RARB: variants seen among roughly 807,000 people sequenced by gnomAD.
The protein encoded by RARB is HBV-activated protein.
A neutral mutation model predicts 51.9 loss-of-function variants in RARB; 17 were observed. That is an observed-to-expected ratio of 0.33 (90% CI 0.22 to 0.49). RARB has a LOEUF of 0.49. RARB is among the 20% of genes least tolerant of loss of function. RARB has a pLI of 0.99. For missense variants in RARB, 369 were observed against 550.8 expected (o/e 0.67, Z 3.30); for synonymous variants, 215 against 195.4 (o/e 1.10, Z -0.84).
intron 2 of RARB, among the ~76,000 whole-genome samples, chr3:25,051,140 G>A (rs1698324690): frequency 1.3e-5 from 2 of 152,302 alleles, no homozygotes; most frequent in African/African-American, 2.4e-5. Context: ...AAAGGAAGGA[G>A]TAGAATTGTA....
intron 2 of RARB, among the ~76,000 whole-genome samples, chr3:24,994,891 T>C (rs1696990183): frequency 6.6e-6 from 1 of 152,064 alleles, no homozygotes; most frequent in Non-Finnish European, 1.5e-5. Context: ...TTTCAGTTAC[T>C]ACAGTGTTGT....
intron 3 of RARB, among the ~76,000 whole-genome samples, chr3:25,060,776 G>T (rs547970504): frequency 1.3e-5 from 2 of 152,016 alleles, no homozygotes; most frequent in South Asian, 4.1e-4. Context: ...GTTAAGGTAG[G>T]TAGACTCGCT....
chr3:25,186,304 G>A lies in RARB; in HGVS notation c.178+11729G>A, dbSNP rs575723846. 3.1e-3 allele frequency among the ~76,000 whole-genome samples: 475 copies of A among 152,194 alleles called. 4 individuals are homozygous for A. The highest frequency in any genetic ancestry group is 5.1e-3 in the Non-Finnish European group (348 of 67,976). On this transcript the variant is annotated intron_variant, in intron 5 of 11. Coordinates refer to the RARB transcript ENST00000383772. The stretch of plus-strand genomic sequence containing the variant: ...ATTATGGCTACAATACCAAGTATTA[G>A]AAAGAGTGTGGATCATCAGATACTT...
intron 5 of RARB, among the ~76,000 whole-genome samples, chr3:25,292,758 T>C (rs1703820409): frequency 1.3e-5 from 2 of 152,196 alleles, no homozygotes; most frequent in South Asian, 4.1e-4. Flanking sequence ...GAAAGAGCCC[T>C]GCGTTGGTTT....
chr3:25,540,659 T>C (rs1280838394), intron 3 of RARB, among the ~76,000 whole-genome samples: 1 of 152,176 alleles, frequency 6.6e-6, no homozygotes, highest in Admixed American at 6.5e-5. Flanking sequence ...AGGTGAGACA[T>C]AGGCACCAAG....
chr3:24,927,224 G>A (rs1207835893), intron 2 of RARB, among the ~76,000 whole-genome samples: 1 of 151,990 alleles, frequency 6.6e-6, no homozygotes, highest in African/African-American at 2.4e-5. Context: ...TTAGAAAAAA[G>A]TAAAACCTGA....
intron 5 of RARB, among the ~76,000 whole-genome samples, chr3:25,344,108 GT>G (rs1350937314): frequency 6.6e-6 from 1 of 152,150 alleles, no homozygotes; most frequent in African/African-American, 2.4e-5. Flanking sequence ...TAAATGACTT[GT>G]GTCACTTCTC....
At chr3:25,138,583 A>G (rs1700066475) in intron 4 of RARB, among the ~76,000 whole-genome samples, 1 of 152,152 alleles carries the variant, frequency 6.6e-6, no homozygotes, top group East Asian at 1.9e-4. Flanking sequence ...GGACATTTAA[A>G]AACATTAGTT....
At chr3:25,287,889 A>T (rs1703693988) in intron 5 of RARB, among the ~76,000 whole-genome samples, 1 of 152,088 alleles carries the variant, frequency 6.6e-6, no homozygotes, top group South Asian at 2.1e-4. Context: ...AAGTAGATCG[A>T]CTGTGATCTT....
In RARB at chr3:25,133,858, A is replaced by T. The variant is rs189303106; in HGVS notation, c.-280+1650A>T. Reference sequence around the variant, plus strand: ...GGGGAAGGATTTAAGAAAAATGAGTATAAAAGTCATAAATATGTTGATCCA... The same window carrying T: ...GGGGAAGGATTTAAGAAAAATGAGTTTAAAAGTCATAAATATGTTGATCCA... On this transcript the variant is annotated intron_variant, in intron 4 of 11. Transcript: ENST00000383772. Among the ~76,000 whole-genome samples the T allele has an allele frequency of 1.5e-3, 223 of 151,914 alleles. 1 individual carries two copies. The highest frequency in any genetic ancestry group is 4.8e-3 in the African/African-American group (201 of 41,504).
chr3:24,966,637 T>A (rs2125414822), intron 2 of RARB, among the ~76,000 whole-genome samples: 1 of 150,446 alleles, frequency 6.6e-6, no homozygotes, highest in Middle Eastern at 3.4e-3. Flanking sequence ...TCTCTCTCTC[T>A]CTCTCTCTGA....
At chr3:25,500,451 C>CTTGTTTTTTTTTTTTTTTTTTTTTTT (rs1697243041) in intron 2 of RARB, among the ~76,000 whole-genome samples, 1 of 49,938 alleles carries the variant, frequency 2.0e-5, no homozygotes, top group African/African-American at 8.4e-5. Flanking sequence ...TCTTTCTTTT[C>CTTGTTTTTTTTTTTTTTTTTTTTTTT]TTGTTTTTTT....
chr3:25,097,166 A>C (rs1480484631), intron 3 of RARB, among the ~76,000 whole-genome samples: 1 of 152,208 alleles, frequency 6.6e-6, no homozygotes, highest in Non-Finnish European at 1.5e-5. Context: ...ACTTTGTGCC[A>C]TGAATGAAAG....
chr3:25,108,091 A>G (rs1200515066), intron 3 of RARB, among the ~76,000 whole-genome samples: 2 of 152,190 alleles, frequency 1.3e-5, no homozygotes, highest in Non-Finnish European at 2.9e-5. Flanking sequence ...GGTAGCATCT[A>G]CAGCATGGAT....
At chr3:25,462,088 C>T (rs911947257) in intron 2 of RARB, among the ~76,000 whole-genome samples, 10 of 152,176 alleles carry the variant, frequency 6.6e-5, no homozygotes, top group Admixed American at 5.9e-4. Flanking sequence ...TTCCTCAGCT[C>T]TGTGGCCTTT....
intron 5 of RARB, among the ~76,000 whole-genome samples, chr3:25,345,682 A>AG (rs1705370719): frequency 6.6e-6 from 1 of 150,710 alleles, no homozygotes; most frequent in South Asian, 2.1e-4. Flanking sequence ...AAAAAAAAAA[A>AG]AAAATTCATC....
At chr3:25,035,867 C>G (rs949843156) in intron 2 of RARB, among the ~76,000 whole-genome samples, 1 of 152,146 alleles carries the variant, frequency 6.6e-6, no homozygotes, top group African/African-American at 2.4e-5. Flanking sequence ...TCTACACCCA[C>G]CTGCTGTGAG....
intron 3 of RARB, among the ~76,000 whole-genome samples, chr3:25,530,020 CG>C (rs756082521): frequency 1.3e-4 from 20 of 152,284 alleles, no homozygotes; most frequent in Non-Finnish European, 2.6e-4. Context: ...GAGCAACCCA[CG>C]GACCCGTGGC....
Position 25,129,344 on chromosome 3 carries a change from T to C in RARB, c.-327-2817T>C, listed in dbSNP as rs149259785. On this transcript the variant is annotated intron_variant, in intron 3 of 11. Transcript: ENST00000383772. Reference sequence around the variant, plus strand: ...TATATTTTAAAGCATCAGTTACAATTACAGTATGTCTTTTTTGTGTGTGAA... The same window carrying C: ...TATATTTTAAAGCATCAGTTACAATCACAGTATGTCTTTTTTGTGTGTGAA... Among the ~76,000 whole-genome samples the C allele has an allele frequency of 3.1e-3, 476 of 152,230 alleles. 5 individuals are homozygous for C. Among genetic ancestry groups the C allele is most frequent in the African/African-American group, 0.011 (447 of 41,586 alleles).
Sources: allele counts gnomAD v4.1 joint callset (sites outside exome capture counted in the v4.1 genomes callset), GRCh38; gene constraint gnomAD v4.1.1; transcripts MANE v1.5; gene names NCBI Gene and HGNC (gene_info 2026-07-23, HGNC 2026-07-21).